WDR3: variants seen among roughly 807,000 people sequenced by gnomAD.
WDR3 encodes the protein WD repeat-containing protein 3.
Under a neutral mutation model 123.7 loss-of-function variants are expected in WDR3, and 81 were observed. The observed-to-expected ratio is 0.65, with a 90% CI of 0.55 to 0.79. WDR3 has a LOEUF of 0.79. Ranked by LOEUF, WDR3 falls within the 30% of genes least tolerant of loss-of-function variation. The pLI is 0.00. For missense variants in WDR3, 1,027 were observed against 1,123.2 expected, an observed-to-expected ratio of 0.91 and a Z score of 1.22; for synonymous variants, 390 against 388.8, an observed-to-expected ratio of 1.00 and a Z score of -0.04.
At chr1:117,957,764 G>C (rs1216533543) in intron 25 of WDR3, among the ~76,000 whole-genome samples, 1 of 152,310 alleles carries the variant, frequency 6.6e-6, no homozygotes, top group South Asian at 2.1e-4. Context: ...GGTTCTTCCA[G>C]TGTGGCCCAG....
intron 15 of WDR3, 115 bp from the exon 16 acceptor site, chr1:117,950,719 A>G: frequency 1.1e-6 from 1 of 917,836 alleles, no homozygotes. Context: ...TGTCTTTGAA[A>G]ATACAGATAT....
chr1:117,946,086 G>A lies in WDR3; in HGVS notation c.1329G>A (p.Arg443=). Residue 443 remains arginine (R), a splice_region_variant and synonymous_variant, in exon 12 of 27, where the codon AGG becomes AGA. Coordinates refer to ENST00000349139, the MANE Select transcript of WDR3 (RefSeq NM_006784.3). ...GTTCTTTATTTTTTCTTTCTCATAG[G>A]TCTACACTGCAGTGTATTCGCACAA... The part of the protein sequence containing the change: ...AAADSIKIWN[R]STLQCIRTMT... 1 of 1,605,768 alleles carries A rather than the reference G, an allele frequency of 6.2e-7. No individual in the cohort carries two copies. Among genetic ancestry groups the A allele is most frequent in the Non-Finnish European group, 8.5e-7 (1 of 1,175,758 alleles).
intron 1 of WDR3, among the ~76,000 whole-genome samples, chr1:117,931,009 G>A (rs1450235678): frequency 6.6e-6 from 1 of 152,192 alleles, no homozygotes; most frequent in Non-Finnish European, 1.5e-5. Flanking sequence ...GTGCAGTGGC[G>A]TGATCATAGC....
intron 6 of WDR3, 76 bp from the exon 7 acceptor site, chr1:117,940,751 A>ACAACAACAACAACAACAACAACAAC (rs112688594): frequency 7.7e-7 from 1 of 1,298,508 alleles, no homozygotes; most frequent in African/African-American, 1.5e-5. Flanking sequence ...AACAACAACA[A>ACAACAACAACAACAACAACAACAAC]AACAACAACA....
At chr1:117,954,166 T>C in intron 22 of WDR3, 67 bp downstream of exon 22, 1 of 1,350,110 alleles carries the variant, frequency 7.4e-7, no homozygotes, top group Non-Finnish European at 1.0e-6. Flanking sequence ...AACCATTGTT[T>C]TGGGATTTAT....
intron 11 of WDR3, among the ~76,000 whole-genome samples, chr1:117,945,726 T>C (rs1463715875): frequency 3.3e-5 from 5 of 152,180 alleles, no homozygotes; most frequent in African/African-American, 1.2e-4. Context: ...AATTAATGTT[T>C]GTGGTCCTAT....
chr1:117,946,905 C>A (rs925473829), intron 12 of WDR3, among the ~76,000 whole-genome samples: 35 of 138,698 alleles, frequency 2.5e-4, no homozygotes, highest in Non-Finnish European at 4.7e-4. Flanking sequence ...AGTACCACTG[C>A]ACTCCAGCCT....
At chr1:117,958,168 G>A (rs948907184) in intron 25 of WDR3, among the ~76,000 whole-genome samples, 2 of 152,170 alleles carry the variant, frequency 1.3e-5, no homozygotes, top group African/African-American at 4.8e-5. Flanking sequence ...TATATGTAGT[G>A]AACTGACCAA....
intron 3 of WDR3, among the ~76,000 whole-genome samples, chr1:117,935,051 A>G (rs139484923): frequency 8.4e-4 from 128 of 152,326 alleles, no homozygotes; most frequent in African/African-American, 3.0e-3. Context: ...CCTGTATCTC[A>G]CAAGTCATGA....
chr1:117,943,232 C>T (rs1024777409), intron 10 of WDR3, among the ~76,000 whole-genome samples, 164 bp from the exon 11 acceptor site: 2 of 152,110 alleles, frequency 1.3e-5, no homozygotes, highest in African/African-American at 4.8e-5. Flanking sequence ...GGATTACAGG[C>T]GTGAGCCACT....
intron 13 of WDR3, 132 bp downstream of exon 13, chr1:117,948,638 C>T (rs1651497080): frequency 7.7e-6 from 4 of 520,742 alleles, no homozygotes; most frequent in Admixed American, 3.7e-5. Context: ...TATATGATGC[C>T]TTCTTATAAA....
rs1557826195 is a variant in WDR3 at position 117,954,611 on chromosome 1, C to CT, written c.2395dup (p.Tyr799LeufsTer15). On this transcript the variant is annotated frameshift_variant, in exon 23 of 27. Coordinates refer to ENST00000349139, the MANE Select transcript of WDR3 (RefSeq NM_006784.3). LOFTEE classifies it high-confidence loss of function. ...CTTCCCAGCAACCCCATCCTAATGG[C>CT]TTATGGCAGTATCTCAGTGAGTAAA... is the stretch of plus-strand genomic sequence containing the variant. 1 of 1,612,452 alleles carries CT rather than the reference C, an allele frequency of 6.2e-7. No homozygotes were observed. The highest frequency in any genetic ancestry group is 8.5e-7 in the Non-Finnish European group (1 of 1,179,086).
Position 117,963,904 on chromosome 1 carries a change from T to C in WDR3, c.*4457T>C, listed in dbSNP as rs1287246791. 2.5e-6 allele frequency: 4 copies of C among 1,613,998 alleles called. No individual in the cohort carries two copies. The South Asian group carries it at 3.3e-5, about 13-fold the overall frequency. ...TTTCTTTTCCCTGGGGAAAGTCTTT[T>C]GGTCGTTTATCATAATTGCTGCTTG... On this transcript the variant is annotated 3_prime_UTR_variant, in exon 27 of 27. Coordinates refer to ENST00000349139, the MANE Select transcript of WDR3 (RefSeq NM_006784.3).
rs1377768827 is a variant in WDR3, at chr1:117,964,922, T to A, written c.*5475T>A. The stretch of plus-strand genomic sequence containing the variant: ...TTTTTTATTATTCTTTTGCCCTGTT[T>A]TGGATATTGCAGTTTCAATCACTTC... On this transcript the variant is annotated 3_prime_UTR_variant, in exon 27 of 27. Coordinates refer to ENST00000349139, the MANE Select transcript of WDR3 (RefSeq NM_006784.3). The A allele has an allele frequency of 6.6e-6, 1 of 152,176 alleles. No homozygotes were observed. The highest frequency in any genetic ancestry group is 1.9e-4 in the East Asian group (1 of 5,192). 9.4% of individuals were successfully genotyped at this position (152,176 alleles called of 1,614,324 possible).
intron 15 of WDR3, among the ~76,000 whole-genome samples, chr1:117,950,355 A>G (rs1651565861): frequency 6.6e-6 from 1 of 152,228 alleles, no homozygotes; most frequent in African/African-American, 2.4e-5. Flanking sequence ...CATATGTTCA[A>G]AAAATCTTGT....
intron 24 of WDR3, 53 bp from the exon 25 acceptor site, chr1:117,957,015 T>C (rs1652295831): frequency 2.7e-6 from 4 of 1,468,018 alleles, no homozygotes; most frequent in South Asian, 1.4e-5. Context: ...AAATTGACCA[T>C]GTTAACAACG....
intron 21 of WDR3, 42 bp from the exon 22 acceptor site, chr1:117,953,965 G>T: frequency 6.6e-7 from 1 of 1,519,006 alleles, no homozygotes; most frequent in Non-Finnish European, 9.0e-7. Context: ...TGGGATGATG[G>T]AGTATGTTGT....
chr1:117,946,080 T>A lies in WDR3; in HGVS notation c.1329-6T>A, dbSNP rs1056558939. On this transcript the variant is annotated splice_region_variant and splice_polypyrimidine_tract_variant and intron_variant, in intron 11 of 26. Coordinates refer to ENST00000349139, the MANE Select transcript of WDR3 (RefSeq NM_006784.3). ...ACATGAGTTCTTTATTTTTTCTTTC[T>A]CATAGGTCTACACTGCAGTGTATTC... 3 of 1,590,106 alleles carry A rather than the reference T, an allele frequency of 1.9e-6. No homozygotes were observed. Among genetic ancestry groups the A allele is most frequent in the Non-Finnish European group, 2.6e-6 (3 of 1,169,170 alleles).
chr1:117,963,688 G>T lies in WDR3; in HGVS notation c.*4241G>T. 9.9e-7 allele frequency: 1 copy of T among 1,007,680 alleles called. No individual in the cohort carries two copies. The highest frequency in any genetic ancestry group is 1.4e-6 in the Non-Finnish European group (1 of 700,582). The allele number at this position is 1,007,680 out of a possible 1,614,324, so 62.4% of individuals were successfully genotyped here. A position where few individuals can be genotyped will look rare whatever the true frequency, so the allele number is the denominator to read the frequency against. On this transcript the variant is annotated 3_prime_UTR_variant, in exon 27 of 27. Transcript: ENST00000349139. ...CTAAACAAATATTTTCATTCATTCAGGCCAGGTGGCTTATAGGTTTCTGAC... is the reference window on the plus strand; with the variant it reads ...CTAAACAAATATTTTCATTCATTCATGCCAGGTGGCTTATAGGTTTCTGAC...
Sources: gnomAD v4.1 joint callset for allele counts (sites outside exome capture counted in the v4.1 genomes callset) on GRCh38, gnomAD v4.1.1 for gene constraint, MANE v1.5 for transcripts, NCBI Gene and HGNC (gene_info 2026-07-23, HGNC 2026-07-21) for gene names.